Variants in EXOC4 observed in about 807,000 individuals in gnomAD.
The protein encoded by EXOC4 is SEC8-like 1.
EXOC4 carries 71 observed loss-of-function variants against 107.2 expected under a neutral mutation model. The ratio of observed to expected loss-of-function variants is 0.66; its 90% CI spans 0.55 to 0.81. The LOEUF (loss-of-function observed/expected upper bound fraction) is 0.81, where lower values mean the gene tolerates loss of function less well. EXOC4 is among the 30% of genes least tolerant of loss of function. The pLI, the probability that EXOC4 is intolerant of heterozygous loss-of-function variation, is 0.00. For synonymous variants in EXOC4, 456 were observed against 441.2 expected, an observed-to-expected ratio of 1.03 and a Z score of -0.42; for missense variants, 1,108 against 1,189.6, an observed-to-expected ratio of 0.93 and a Z score of 1.01.
At chr7:133,865,792 C>T (rs149185711) in intron 11 of EXOC4, among the ~76,000 whole-genome samples, 80 of 152,274 alleles carry the variant, frequency 5.3e-4, no homozygotes, top group African/African-American at 1.8e-3. Flanking sequence ...CTAACTATCA[C>T]GAGAACATCA....
At chr7:133,258,834 A>G (rs1046381839) in intron 1 of EXOC4, among the ~76,000 whole-genome samples, 16 of 152,214 alleles carry the variant, frequency 1.1e-4, no homozygotes, top group Admixed American at 9.2e-4. Flanking sequence ...TGAAGAAGCT[A>G]GATTTAAATG....
chr7:133,970,072 A>G (rs984647653), intron 14 of EXOC4, among the ~76,000 whole-genome samples: 1 of 152,100 alleles, frequency 6.6e-6, no homozygotes, highest in African/African-American at 2.4e-5. Flanking sequence ...GAGGCAGTCT[A>G]GCTATAGAGG....
intron 7 of EXOC4, among the ~76,000 whole-genome samples, chr7:133,392,300 A>C (rs1482977696): frequency 6.6e-6 from 1 of 152,118 alleles, no homozygotes. Flanking sequence ...ACACCCAGGC[A>C]CATTTTAGAT....
At chr7:133,336,580 A>G (rs1188630350) in intron 5 of EXOC4, among the ~76,000 whole-genome samples, 2 of 151,920 alleles carry the variant, frequency 1.3e-5, no homozygotes, top group African/African-American at 4.8e-5. Context: ...TCATTTCTAT[A>G]ATTATGTATA....
chr7:133,327,700 G>T (rs1183088164), intron 5 of EXOC4, among the ~76,000 whole-genome samples: 1 of 152,108 alleles, frequency 6.6e-6, no homozygotes, highest in Non-Finnish European at 1.5e-5. Context: ...TATTTACCCA[G>T]TAGTTATTCA....
At chr7:133,521,411 CTCTA>C (rs750349542) in intron 9 of EXOC4, among the ~76,000 whole-genome samples, 7 of 152,176 alleles carry the variant, frequency 4.6e-5, no homozygotes, top group South Asian at 2.1e-4. Context: ...ATAAAAGTGG[CTCTA>C]TCTAAGGCTG....
chr7:133,326,908 C>T (rs1795257650), intron 5 of EXOC4, among the ~76,000 whole-genome samples: 3 of 152,218 alleles, frequency 2.0e-5, no homozygotes, highest in South Asian at 2.1e-4. Context: ...TCAGCAATGG[C>T]AGGCGCCCCT....
At chr7:133,758,414 C>T (rs1490641700) in intron 10 of EXOC4, among the ~76,000 whole-genome samples, 1 of 152,220 alleles carries the variant, frequency 6.6e-6, no homozygotes, top group Admixed American at 6.5e-5. Flanking sequence ...GCTGGGATTA[C>T]AGGCATGAGC....
At chr7:133,706,932 G>A (rs938253816) in intron 10 of EXOC4, among the ~76,000 whole-genome samples, 3 of 152,098 alleles carry the variant, frequency 2.0e-5, no homozygotes, top group African/African-American at 7.2e-5. Flanking sequence ...GTCACACTGG[G>A]GATTAGGGCT....
chr7:134,064,321 T>C lies in EXOC4; in HGVS notation c.2718T>C (p.Ala906=). 6.7e-7 allele frequency: 1 copy of C among 1,498,420 alleles called. No homozygotes were observed. The highest frequency in any genetic ancestry group is 9.0e-7 in the Non-Finnish European group (1 of 1,115,036). The allele number at this position is 1,498,420 out of a possible 1,614,324, so 92.8% of individuals were successfully genotyped here. The change falls in exon 18 of 18, where the codon GCT becomes GCC. Residue 906 remains alanine, a synonymous_variant. Coordinates refer to ENST00000253861, the MANE Select transcript of EXOC4 (RefSeq NM_021807.4). ...ACTACGAGATGCTTTACAACACAGC[T>C]GACGAGCTCCTGAACCTGGTGGTGG... The part of the protein sequence containing the change: ...RQYYEMLYNT[A]DELLNLVVDQ...
chr7:133,461,052 C>T (rs1488151522), intron 7 of EXOC4, among the ~76,000 whole-genome samples: 4 of 152,014 alleles, frequency 2.6e-5, no homozygotes, highest in East Asian at 1.9e-4. Context: ...GAAGGTTTTG[C>T]GCATGGGTTA....
intron 14 of EXOC4, among the ~76,000 whole-genome samples, chr7:133,993,140 A>G (rs553688546): frequency 6.6e-6 from 1 of 152,244 alleles, no homozygotes; most frequent in Admixed American, 6.5e-5. Context: ...TGTGTTGTCA[A>G]ATTCTATTTG....
In EXOC4 at chr7:134,004,951, G is replaced by T; in HGVS notation, c.2388G>T (p.Glu796Asp). ...ACTATCTTATCCCTCTTGCAAAGGA[G>T]GGGAACTATGCCATTGTGGCTAATG... is the stretch of plus-strand genomic sequence containing the variant. Reference protein sequence around the residue: ...CFHYLIPLAKEGNYAIVANVE... With the variant: ...CFHYLIPLAKDGNYAIVANVE... The change falls in exon 16 of 18, where the codon GAG becomes GAT. Residue 796 changes from glutamate (E) to aspartate (D), a missense_variant. By Grantham distance (45) the Glu-to-Asp change is conservative (BLOSUM62 2). Transcript: ENST00000253861. The T allele has an allele frequency of 2.5e-6, 4 of 1,613,414 alleles. No homozygotes were observed. The highest frequency in any genetic ancestry group is 2.5e-6 in the Non-Finnish European group (3 of 1,179,574).
intron 11 of EXOC4, among the ~76,000 whole-genome samples, chr7:133,854,414 AC>A (rs1798304980): frequency 6.9e-6 from 1 of 144,326 alleles, no homozygotes; most frequent in Non-Finnish European, 1.5e-5. Context: ...AAGAGCACAC[AC>A]ACACACACAC....
chr7:133,541,658 C>T (rs1053664561), intron 9 of EXOC4, among the ~76,000 whole-genome samples: 14 of 151,734 alleles, frequency 9.2e-5, no homozygotes, highest in African/African-American at 1.7e-4. Flanking sequence ...CACCACCATG[C>T]GTGGCTAATT....
chr7:133,689,265 C>T (rs997170515), intron 10 of EXOC4, among the ~76,000 whole-genome samples: 3 of 152,056 alleles, frequency 2.0e-5, no homozygotes, highest in Admixed American at 2.0e-4. Context: ...AGTCTCATGG[C>T]CTAATTGAAC....
intron 7 of EXOC4, among the ~76,000 whole-genome samples, chr7:133,427,095 T>G (rs1797743593): frequency 6.6e-6 from 1 of 152,174 alleles, no homozygotes; most frequent in Admixed American, 6.5e-5. Context: ...CAAAGGTGAT[T>G]CGATGAGTTG....
intron 9 of EXOC4, among the ~76,000 whole-genome samples, chr7:133,600,741 C>T (rs1048427899): frequency 6.6e-6 from 1 of 152,158 alleles, no homozygotes; most frequent in African/African-American, 2.4e-5. Flanking sequence ...GCCCTTTATT[C>T]CCAGCGGCCT....
At chr7:133,643,966 A>T (rs1050215959) in intron 10 of EXOC4, among the ~76,000 whole-genome samples, 7 of 152,140 alleles carry the variant, frequency 4.6e-5, no homozygotes, top group African/African-American at 1.7e-4. Context: ...TTGGGGAAGG[A>T]TGGGAGAAAG....
Sources: gnomAD v4.1 joint callset for allele counts (sites outside exome capture counted in the v4.1 genomes callset) on GRCh38, gnomAD v4.1.1 for gene constraint, MANE v1.5 for transcripts, NCBI Gene and HGNC (gene_info 2026-07-23, HGNC 2026-07-21) for gene names.